Variants in DHRS4 observed in about 807,000 individuals in gnomAD.
DHRS4 encodes dehydrogenase/reductase SDR family member 4.
DHRS4 carries 20 observed loss-of-function variants against 28.4 expected under a neutral mutation model. The observed-to-expected ratio is 0.71, with a 90% confidence interval of 0.50 to 1.02. The LOEUF (loss-of-function observed/expected upper bound fraction) is 1.02. Ranked by LOEUF, DHRS4 falls within the 50% of genes least tolerant of loss-of-function variation. DHRS4 has a pLI of 0.00. For missense variants in DHRS4, 378 were observed against 367.2 expected, an observed-to-expected ratio of 1.03 and a Z score of -0.24; for synonymous variants, 144 against 146.4, an observed-to-expected ratio of 0.98 and a Z score of 0.12.
At chr14:23,955,804 G>A (rs187366832) in intron 2 of DHRS4, among the ~76,000 whole-genome samples, 19 of 152,282 alleles carry the variant, frequency 1.2e-4, no homozygotes, top group South Asian at 6.2e-4. Flanking sequence ...GTGGACTACC[G>A]GGTACTGGAC....
At chr14:23,958,694 G>A (rs889995934) in intron 2 of DHRS4, among the ~76,000 whole-genome samples, 1 of 152,116 alleles carries the variant, frequency 6.6e-6, no homozygotes, top group African/African-American at 2.4e-5. Flanking sequence ...CTCCCATCAC[G>A]GCTCTCCTGG....
At chr14:23,968,527 T>C (rs892735437) in intron 7 of DHRS4, among the ~76,000 whole-genome samples, 15 of 151,168 alleles carry the variant, frequency 9.9e-5, no homozygotes, top group South Asian at 2.1e-4. Context: ...TGTGTTTCTA[T>C]AGTATTTGAA....
At chr14:23,966,158 A>G in intron 5 of DHRS4, 125 bp from the exon 6 acceptor site, 4 of 1,578,876 alleles carry the variant, frequency 2.5e-6, no homozygotes, top group Non-Finnish European at 2.6e-6. Flanking sequence ...TAGCCACAAG[A>G]CAGTTCCCTA....
chr14:23,959,482 C>T (rs1285215622), intron 2 of DHRS4, among the ~76,000 whole-genome samples: 1 of 152,068 alleles, frequency 6.6e-6, no homozygotes, highest in Non-Finnish European at 1.5e-5. Context: ...GGCTTGAACC[C>T]AGTAGGTCAA....
chr14:23,968,877 G>A lies in DHRS4; in HGVS notation c.*6G>A, dbSNP rs371262742. ...GAACCCCGTCCCGCCTCTGAGGACC[G>A]GGAGACAGCCCACAGGCCAGAGTTG... On this transcript the variant is annotated 3_prime_UTR_variant, in exon 8 of 8. Transcript: ENST00000313250. 36 of 1,606,010 alleles carry A rather than the reference G, an allele frequency of 2.2e-5. No homozygotes were observed. In the Admixed American group the frequency reaches 2.5e-4, roughly 11 times the overall value.
At chr14:23,955,872 T>G (rs765608722) in intron 2 of DHRS4, among the ~76,000 whole-genome samples, 1 of 152,226 alleles carries the variant, frequency 6.6e-6, no homozygotes, top group African/African-American at 2.4e-5. Context: ...ACACCAGCCT[T>G]GCAGCTGCTG....
chr14:23,957,566 T>C (rs932592916), intron 2 of DHRS4, among the ~76,000 whole-genome samples: 2 of 151,816 alleles, frequency 1.3e-5, no homozygotes, highest in African/African-American at 2.4e-5. Context: ...CCTTTTTTTT[T>C]TTTTTCCAGA....
rs1043439 is a variant in DHRS4, at chr14:23,953,833, T to G, written c.45T>G (p.Asn15Lys). Residue 15 changes from asparagine (N) to lysine (K), a missense_variant, in exon 1 of 8, where the codon AAT becomes AAG. By Grantham distance (94) the Asn-to-Lys change is moderately conservative. Transcript: ENST00000313250. Reference sequence around the variant, plus strand: ...TAGGCCTCTGTGCCCGGGCTTGGAATTCGGTGCGGATGGCCAGCTCCGGGA... The same window carrying G: ...TAGGCCTCTGTGCCCGGGCTTGGAAGTCGGTGCGGATGGCCAGCTCCGGGA... ...GLLGLCARAW[N>K]SVRMASSGMT... 2.2e-5 allele frequency: 36 copies of G among 1,613,968 alleles called. No individual in the cohort carries two copies. The highest frequency in any genetic ancestry group is 1.6e-4 in the Middle Eastern group (1 of 6,078).
intron 1 of DHRS4, among the ~76,000 whole-genome samples, chr14:23,954,579 C>T (rs181529896): frequency 6.6e-6 from 1 of 152,372 alleles, no homozygotes; most frequent in East Asian, 1.9e-4. Context: ...GCAATATTTA[C>T]ATTTTTGACC....
chr14:23,955,861 G>C (rs2033117249), intron 2 of DHRS4, among the ~76,000 whole-genome samples: 1 of 152,200 alleles, frequency 6.6e-6, no homozygotes, highest in African/African-American at 2.4e-5. Context: ...ATTAGTAGTG[G>C]ACACCAGCCT....
intron 3 of DHRS4, 127 bp from the exon 4 acceptor site, chr14:23,965,635 G>T: frequency 1.3e-6 from 1 of 757,096 alleles, no homozygotes; most frequent in East Asian, 2.8e-5. Flanking sequence ...TAAGATGCAG[G>T]TATATCATCC....
chr14:23,968,767 C>T lies in DHRS4; in HGVS notation c.733C>T (p.Pro245Ser), dbSNP rs2033740333. The change falls in exon 8 of 8, where the codon CCA becomes TCA. Residue 245 changes from proline to serine, a missense_variant. By Grantham distance (74) the Pro-to-Ser change is moderately conservative (BLOSUM62 -1). Transcript: ENST00000313250. Reference sequence around the variant, plus strand: ...TCCCTTATTCCCCAGGTTAGGCGAGCCAGAGGATTGTGCTGGCATCGTGTC... The same window carrying T: ...TCCCTTATTCCCCAGGTTAGGCGAGTCAGAGGATTGTGCTGGCATCGTGTC... ...ETLRIRRLGE[P>S]EDCAGIVSFL... The T allele has an allele frequency of 6.2e-7, 1 of 1,605,152 alleles. No individual in the cohort carries two copies.
intron 1 of DHRS4, among the ~76,000 whole-genome samples, chr14:23,954,478 C>T (rs1309994126): frequency 6.6e-6 from 1 of 152,184 alleles, no homozygotes; most frequent in Admixed American, 6.5e-5. Flanking sequence ...CAGGACTTTG[C>T]TAGATGCCAG....
Position 23,955,081 on chromosome 14 carries a change from G to C in DHRS4, c.175G>C (p.Val59Leu). 6.2e-7 allele frequency: 1 copy of C among 1,614,206 alleles called. No homozygotes were observed. The highest frequency in any genetic ancestry group is 8.5e-7 in the Non-Finnish European group (1 of 1,180,000). ...ARRLAQDGAH[V>L]VVSSRKQQNV... ...GCGTTTGGCCCAGGACGGGGCCCAT[G>C]TGGTCGTCAGCAGCCGGAAGCAGCA... Residue 59 changes from valine to leucine, a missense_variant, in exon 2 of 8, where the codon GTG (valine) becomes CTG (leucine). Val to Leu is a conservative substitution (Grantham distance 32). Coordinates refer to ENST00000313250, the MANE Select transcript of DHRS4 (RefSeq NM_021004.4).
In DHRS4 at chr14:23,953,836, G is replaced by A. The variant is rs771904106; in HGVS notation, c.48G>A (p.Ser16=). ...GCCTCTGTGCCCGGGCTTGGAATTC[G>A]GTGCGGATGGCCAGCTCCGGGATGA... ...LLGLCARAWN[S]VRMASSGMTR... The change falls in exon 1 of 8, where the codon TCG becomes TCA. Residue 16 remains serine, a synonymous_variant. Transcript: ENST00000313250. 6.8e-6 allele frequency: 11 copies of A among 1,613,938 alleles called. No homozygotes were observed. The Middle Eastern group carries it at 4.9e-4, about 72-fold the overall frequency.
chr14:23,955,014 T>G, intron 1 of DHRS4, 21 bp from the exon 2 acceptor site: 2 of 1,614,044 alleles, frequency 1.2e-6, no homozygotes, highest in Non-Finnish European at 1.7e-6. Context: ...CTTAGCAGTC[T>G]TTGTCTCTTT....
chr14:23,968,706 A>T, intron 7 of DHRS4, 51 bp from the exon 8 acceptor site: 2 of 1,598,444 alleles, frequency 1.3e-6, no homozygotes. Flanking sequence ...CAGGTGAGGG[A>T]GGCAGAACTG....
chr14:23,968,376 C>G lies in DHRS4; in HGVS notation c.723-381C>G, dbSNP rs370234594. Among the ~76,000 whole-genome samples, 939 of 145,790 alleles carry G rather than the reference C, an allele frequency of 6.4e-3. 13 individuals are homozygous for G. The highest frequency in any genetic ancestry group is 0.022 in the East Asian group (112 of 5,148). ...CCTGTACAAATGGAATCATTTTAAA[C>G]ACACCATTTACTGTCACACAGACTC... On this transcript the variant is annotated intron_variant, in intron 7 of 7. Transcript: ENST00000313250.
chr14:23,965,584 G>A (rs143896942), intron 3 of DHRS4, among the ~76,000 whole-genome samples, 178 bp from the exon 4 acceptor site: 2,634 of 147,754 alleles, frequency 0.018, 223 homozygotes, highest in African/African-American at 0.063. Flanking sequence ...CTGAGCAGCT[G>A]GTGAGAGCTA....
Sources: gnomAD v4.1 joint callset for allele counts (sites outside exome capture counted in the v4.1 genomes callset) on GRCh38, gnomAD v4.1.1 for gene constraint, MANE v1.5 for transcripts, NCBI Gene and HGNC (gene_info 2026-07-23, HGNC 2026-07-21) for gene names.